The following TSKS variants were observed in gnomAD, a reference collection of about 807,000 sequenced individuals.
TSKS encodes the protein testis specific serine kinase substrate.
In TSKS, 27 loss-of-function variants were observed where a neutral mutation model predicts 68.0. The observed-to-expected ratio is 0.40, with a 90% CI of 0.29 to 0.55. The LOEUF is 0.55. Among genes scored for constraint, TSKS ranks in the 20% least tolerant of loss-of-function variants. The pLI is 0.53. For missense variants in TSKS, 806 were observed against 776.0 expected (o/e 1.04, Z -0.46); for synonymous variants, 331 against 340.4 (o/e 0.97, Z 0.30).
In TSKS at chr19:49,748,068, G is replaced by A. The variant is rs774212418; in HGVS notation, c.579+17C>T. The A allele has an allele frequency of 1.2e-6, 2 of 1,612,128 alleles. No individual in the cohort carries two copies. Among genetic ancestry groups the A allele is most frequent in the Non-Finnish European group, 1.7e-6 (2 of 1,178,588 alleles). ...CATTCCCCTCTCCCCATCCATTCCT[G>A]CGTCCCACTGGCTCACCTTGAGTTG... On this transcript the variant is annotated intron_variant, in intron 4 of 10. Coordinates refer to ENST00000246801, the MANE Select transcript of TSKS (RefSeq NM_021733.2).
chr19:49,747,070 T>C (rs2084309074), intron 5 of TSKS: 1 of 1,429,396 alleles, frequency 7.0e-7, no homozygotes, highest in Admixed American at 2.1e-5. Context: ...TCCCGGCCAC[T>C]TGGCAAGAAC....
At chr19:49,747,353 C>T in intron 5 of TSKS, 36 bp downstream of exon 5, 1 of 1,614,038 alleles carries the variant, frequency 6.2e-7, no homozygotes, top group Admixed American at 1.7e-5. Context: ...ATCTGACCTC[C>T]TCCCACAAAT....
In TSKS at chr19:49,739,880, C is replaced by T. The variant is rs760616683; in HGVS notation, c.1675G>A (p.Asp559Asn). Residue 559 changes from aspartate to asparagine, a missense_variant, in exon 11 of 11, where the codon GAT becomes AAT. By Grantham distance (23) the Asp-to-Asn change is conservative (BLOSUM62 1). Transcript: ENST00000246801. The part of the protein sequence containing the change: ...HLHLKMCSLH[D>N]HLSNLPLEGS... ...TCAAGTGGCAGGTTGCTGAGATGAT[C>T]GTGGAGGGAGCACATCTTCAAGTGT... is the stretch of plus-strand genomic sequence containing the variant. 2.5e-6 allele frequency: 4 copies of T among 1,613,924 alleles called. No individual in the cohort carries two copies. Among genetic ancestry groups the T allele is most frequent in the Non-Finnish European group, 3.4e-6 (4 of 1,179,992 alleles).
rs74486606 is a variant in TSKS at position 49,742,345 on chromosome 19, G to C, written c.1362-325C>G. 9.2e-3 allele frequency among the ~76,000 whole-genome samples: 1,394 copies of C among 151,910 alleles called. 27 individuals are homozygous for C. Among genetic ancestry groups the C allele is most frequent in the African/African-American group, 0.032 (1,329 of 41,414 alleles). ...CCCAAGTAGTTGGGACTACAGGCATGTGCCGCCACATCCGGCTAATTTTTG... is the reference window on the plus strand; with the variant it reads ...CCCAAGTAGTTGGGACTACAGGCATCTGCCGCCACATCCGGCTAATTTTTG... On this transcript the variant is annotated intron_variant, in intron 8 of 10. Coordinates refer to ENST00000246801, the MANE Select transcript of TSKS (RefSeq NM_021733.2).
At chr19:49,751,208 A>C (rs927243793) in intron 2 of TSKS, among the ~76,000 whole-genome samples, 1 of 151,070 alleles carries the variant, frequency 6.6e-6, no homozygotes, top group Non-Finnish European at 1.5e-5. Context: ...GGAGGCTGAC[A>C]CAGGAGAATC....
At position 49,745,266 on chromosome 19, in the gene TSKS, C is replaced by T. The variant is rs760536611; in HGVS notation, c.1123G>A (p.Glu375Lys). 45 of 1,607,876 alleles carry T rather than the reference C, an allele frequency of 2.8e-5. No homozygotes were observed. Among genetic ancestry groups the T allele is most frequent in the Middle Eastern group, 1.7e-4 (1 of 6,002 alleles). Residue 375 changes from glutamate (E) to lysine (K), a missense_variant, in exon 7 of 11, where the codon GAA becomes AAA. Transcript: ENST00000246801. ...FLGQWERAQREQAQTARDLQE... is the reference protein window; with the variant it reads ...FLGQWERAQRKQAQTARDLQE... ...AAGTCCCGCGCCGTCTGTGCCTGTT[C>T]GCGCTGTGCCCGCTCCCACTGGCCT...
At position 49,745,331 on chromosome 19, in the gene TSKS, C is replaced by T. The variant is rs1162667622; in HGVS notation, c.1058G>A (p.Arg353Gln). 5.0e-6 allele frequency: 8 copies of T among 1,601,304 alleles called. No individual in the cohort carries two copies. The highest frequency in any genetic ancestry group is 5.9e-6 in the Non-Finnish European group (7 of 1,178,018). ...CCTGCCGCCCAGGCCCCCGAGCAGC[C>T]GCAGGGCTTCCTGCACCGCCCCCTC... ...QEEGAVQEAL[R>Q]LLGGLGGRVD... The change falls in exon 7 of 11, where the codon CGG becomes CAG. Residue 353 changes from arginine (R) to glutamine (Q), a missense_variant. Coordinates refer to ENST00000246801, the MANE Select transcript of TSKS (RefSeq NM_021733.2).
intron 7 of TSKS, 121 bp from the exon 8 acceptor site, chr19:49,744,525 C>T: frequency 1.1e-6 from 1 of 936,988 alleles, no homozygotes; most frequent in Non-Finnish European, 1.6e-6. Context: ...TCCACCCTGC[C>T]CTCCCCTCTC....
chr19:49,760,302 C>G (rs2084429634), intron 2 of TSKS, among the ~76,000 whole-genome samples: 1 of 152,020 alleles, frequency 6.6e-6, no homozygotes, highest in Non-Finnish European at 1.5e-5. Context: ...GAGACCCTGT[C>G]TCTACAAAAA....
chr19:49,741,790 G>A, intron 9 of TSKS, 95 bp downstream of exon 9: 1 of 1,555,542 alleles, frequency 6.4e-7, no homozygotes, highest in East Asian at 2.3e-5. Context: ...TTCCCCTTCT[G>A]CCACACACCA....
At chr19:49,743,854 G>A (rs553761866) in intron 8 of TSKS, among the ~76,000 whole-genome samples, 1 of 147,814 alleles carries the variant, frequency 6.8e-6, no homozygotes, top group Non-Finnish European at 1.5e-5. Context: ...TTACAGGCAC[G>A]CGCCACCACG....
chr19:49,742,523 G>C (rs2084261341), intron 8 of TSKS, among the ~76,000 whole-genome samples: 1 of 129,404 alleles, frequency 7.7e-6, no homozygotes, highest in Non-Finnish European at 1.6e-5. Flanking sequence ...TTTTGAGATG[G>C]AGTCTCGCTC....
chr19:49,740,188 G>A lies in TSKS; in HGVS notation c.1498-5C>T, dbSNP rs769604401. 4 of 1,610,334 alleles carry A rather than the reference G, an allele frequency of 2.5e-6. No individual in the cohort carries two copies. The African/African-American group carries it at 5.3e-5, about 22-fold the overall frequency. ...TAAGGCCTGGCGCTCCAGCTCCTGG[G>A]GAGAGGAGCGTAGGCGTAGCTGGGC... On this transcript the variant is annotated splice_region_variant and splice_polypyrimidine_tract_variant and intron_variant, in intron 9 of 10. Transcript: ENST00000246801.
rs1437616631 is a variant in TSKS at position 49,740,194 on chromosome 19, G to A, written c.1498-11C>T. The A allele has an allele frequency of 1.2e-6, 2 of 1,607,008 alleles. No individual in the cohort carries two copies. The highest frequency in any genetic ancestry group is 4.5e-5 in the East Asian group (2 of 44,736). On this transcript the variant is annotated splice_polypyrimidine_tract_variant and intron_variant, in intron 9 of 10. Transcript: ENST00000246801. ...CTGGCGCTCCAGCTCCTGGGGAGAGGAGCGTAGGCGTAGCTGGGCTTGCTG... is the reference window on the plus strand; with the variant it reads ...CTGGCGCTCCAGCTCCTGGGGAGAGAAGCGTAGGCGTAGCTGGGCTTGCTG...
chr19:49,756,631 AG>A (rs1448582859), intron 2 of TSKS, among the ~76,000 whole-genome samples: 1 of 152,104 alleles, frequency 6.6e-6, no homozygotes. Context: ...ATCCCAATAA[AG>A]GGCAGCTACA....
rs1163319960 is a variant in TSKS, at chr19:49,761,950, C to T, written c.399+54G>A. ...CCACCCCCGTCCTAAGTATTTGCTA[C>T]CACCTTGTGGAGGACCTCGGTCCTC... On this transcript the variant is annotated intron_variant, in intron 2 of 10. Coordinates refer to ENST00000246801, the MANE Select transcript of TSKS (RefSeq NM_021733.2). 9 of 1,471,374 alleles carry T rather than the reference C, an allele frequency of 6.1e-6. No homozygotes were observed. In the East Asian group the frequency reaches 2.0e-4, roughly 34 times the overall value. The allele number at this position is 1,471,374 out of a possible 1,614,324, so 91.1% of individuals were successfully genotyped here. A position where few individuals can be genotyped will look rare whatever the true frequency, so the allele number is the denominator to read the frequency against.
chr19:49,751,784 C>T (rs1052488274), intron 2 of TSKS, among the ~76,000 whole-genome samples: 2 of 151,334 alleles, frequency 1.3e-5, no homozygotes, highest in African/African-American at 4.9e-5. Context: ...CATCCCTTGC[C>T]AGGCACAGTG....
At chr19:49,748,300 G>A in intron 3 of TSKS, 74 bp downstream of exon 3, 1 of 1,567,176 alleles carries the variant, frequency 6.4e-7, no homozygotes, top group Admixed American at 1.7e-5. Context: ...GGTGCATTCT[G>A]CTGGAGGCAG....
chr19:49,762,956 C>T (rs1217935100), intron 1 of TSKS, 122 bp downstream of exon 1: 2 of 1,314,126 alleles, frequency 1.5e-6, no homozygotes, highest in African/African-American at 1.5e-5. Context: ...TGCCCTCTTT[C>T]CTGCCCCCGA....
Sources: gnomAD v4.1 joint callset for allele counts (sites outside exome capture counted in the v4.1 genomes callset) on GRCh38, gnomAD v4.1.1 for gene constraint, MANE v1.5 for transcripts, NCBI Gene and HGNC (gene_info 2026-07-23, HGNC 2026-07-21) for gene names.